Variants in AGMO observed in about 807,000 individuals in gnomAD.
AGMO encodes the protein glyceryl-ether monooxygenase.
A neutral mutation model predicts 60.2 loss-of-function variants in AGMO; 75 were observed. That is an observed-to-expected ratio of 1.25 (90% CI 1.03 to 1.51). The LOEUF (loss-of-function observed/expected upper bound fraction) is 1.51, where lower values mean the gene tolerates loss of function less well. AGMO is among the 40% of genes most tolerant of loss of function. The probability of loss-of-function intolerance (pLI) is 0.00; values close to 1 mark genes in which losing one functional copy is unlikely to be tolerated. For missense variants in AGMO, 763 were observed against 525.5 expected (o/e 1.45, Z -4.42); for synonymous variants, 261 against 177.1 (o/e 1.47, Z -3.76).
At chr7:15,294,636 G>A (rs898831026) in intron 12 of AGMO, among the ~76,000 whole-genome samples, 11 of 151,970 alleles carry the variant, frequency 7.2e-5, no homozygotes, top group East Asian at 1.9e-4. Flanking sequence ...AATTTGAGGC[G>A]ATGGGAAGGC....
chr7:15,190,505 A>G, the AGMO span, among the ~76,000 whole-genome samples: 2 of 152,078 alleles, frequency 1.3e-5, no homozygotes, highest in Non-Finnish European at 2.9e-5. Context: ...AATATACAGC[A>G]GAGAAAGGAC....
In AGMO at chr7:15,335,695, A is replaced by C. The variant is rs919296413; in HGVS notation, c.1263+29819T>G. Reference sequence around the variant, plus strand: ...TTGAAATGTTCTCTGCATACCAGTTACTGTTAAGATTTATTATAGCATGTG... The same window carrying C: ...TTGAAATGTTCTCTGCATACCAGTTCCTGTTAAGATTTATTATAGCATGTG... On this transcript the variant is annotated intron_variant, in intron 12 of 12. Coordinates refer to ENST00000342526, the MANE Select transcript of AGMO (RefSeq NM_001004320.2). 2.6e-5 allele frequency among the ~76,000 whole-genome samples: 4 copies of C among 152,160 alleles called. 1 individual carries two copies. The highest frequency in any genetic ancestry group is 4.1e-4 in the South Asian group (2 of 4,834).
chr7:15,383,797 T>C (rs1783795611), intron 10 of AGMO, among the ~76,000 whole-genome samples: 1 of 152,234 alleles, frequency 6.6e-6, no homozygotes, highest in Non-Finnish European at 1.5e-5. Flanking sequence ...TTTAGGTTTT[T>C]TTCCCGGATT....
At chr7:15,348,772 G>C (rs748574686) in intron 12 of AGMO, among the ~76,000 whole-genome samples, 10 of 151,960 alleles carry the variant, frequency 6.6e-5, no homozygotes, top group Non-Finnish European at 1.2e-4. Flanking sequence ...GTTGAATTAA[G>C]TCCACTATTT....
chr7:15,229,736 T>A (rs909985838), intron 12 of AGMO, among the ~76,000 whole-genome samples: 9 of 147,072 alleles, frequency 6.1e-5, no homozygotes, highest in East Asian at 1.9e-4. Context: ...AAATTATATA[T>A]TATAATATAT....
chr7:15,228,521 AC>A (rs2128498810), intron 12 of AGMO, among the ~76,000 whole-genome samples: 1 of 152,264 alleles, frequency 6.6e-6, no homozygotes, highest in East Asian at 1.9e-4. Context: ...CAGCCAGAGT[AC>A]ACAAGGAGAA....
chr7:15,487,656 C>T (rs560989218), intron 3 of AGMO, among the ~76,000 whole-genome samples: 33 of 151,972 alleles, frequency 2.2e-4, no homozygotes, highest in Non-Finnish European at 4.0e-4. Flanking sequence ...TAACAATAAA[C>T]GTCCTTATAT....
the AGMO span, among the ~76,000 whole-genome samples, chr7:15,149,557 A>G: frequency 6.6e-6 from 1 of 152,200 alleles, no homozygotes; most frequent in South Asian, 2.1e-4. Context: ...CGTACCGTTT[A>G]TTGACTAGGG....
intron 12 of AGMO, among the ~76,000 whole-genome samples, chr7:15,246,685 A>T (rs1782752792): frequency 6.6e-6 from 1 of 152,212 alleles, no homozygotes; most frequent in African/African-American, 2.4e-5. Context: ...ATATACATGG[A>T]TGCATGTCAA....
chr7:15,293,113 C>T (rs942797937), intron 12 of AGMO, among the ~76,000 whole-genome samples: 1 of 152,020 alleles, frequency 6.6e-6, no homozygotes, highest in Non-Finnish European at 1.5e-5. Context: ...AACAAACAAT[C>T]ACATATTCAT....
intron 12 of AGMO, among the ~76,000 whole-genome samples, chr7:15,256,487 C>T (rs1423887761): frequency 6.6e-6 from 1 of 152,072 alleles, no homozygotes; most frequent in Non-Finnish European, 1.5e-5. Flanking sequence ...GGACTACAGG[C>T]GCCCACCACG....
At chr7:15,296,945 C>G (rs1341053907) in intron 12 of AGMO, among the ~76,000 whole-genome samples, 2 of 152,164 alleles carry the variant, frequency 1.3e-5, no homozygotes, top group Non-Finnish European at 2.9e-5. Context: ...TAGAACAAAT[C>G]TCTTTTCCGT....
chr7:15,457,258 G>C (rs10272588), intron 3 of AGMO, among the ~76,000 whole-genome samples: 2,144 of 152,162 alleles, frequency 0.014, 49 homozygotes, highest in African/African-American at 0.05. Flanking sequence ...TCAGTGTTCA[G>C]ATAACTTTGA....
In AGMO at chr7:15,202,458, C is replaced by CAAAAAAAAAAAAA. The variant is rs71004370; in HGVS notation, c.1264-1112_1264-1100dup. Among the ~76,000 whole-genome samples, 72 of 45,362 alleles carry CAAAAAAAAAAAAA rather than the reference C, an allele frequency of 1.6e-3. 4 individuals carry two copies. Among genetic ancestry groups the CAAAAAAAAAAAAA allele is most frequent in the South Asian group, 2.9e-3 (3 of 1,050 alleles). 29.8% of individuals were successfully genotyped at this position (45,362 alleles called of 152,430 possible). On this transcript the variant is annotated intron_variant, in intron 12 of 12. Coordinates refer to ENST00000342526, the MANE Select transcript of AGMO (RefSeq NM_001004320.2). ...CACCAACAACCAAAATACAAATGAG[C>CAAAAAAAAAAAAA]AAAAAAAAAAAAAAAAAAAAAAAAA...
At chr7:15,482,039 A>T (rs528696520) in intron 3 of AGMO, among the ~76,000 whole-genome samples, 1 of 152,178 alleles carries the variant, frequency 6.6e-6, no homozygotes, top group Non-Finnish European at 1.5e-5. Context: ...TCTGAGGGTC[A>T]TTTGTACTTT....
chr7:15,401,138 AC>A (rs2128489675), intron 5 of AGMO, among the ~76,000 whole-genome samples: 1 of 152,290 alleles, frequency 6.6e-6, no homozygotes, highest in South Asian at 2.1e-4. Context: ...TCACTACCTT[AC>A]ATTACCTAAA....
chr7:15,318,711 A>G (rs1445424260), intron 12 of AGMO, among the ~76,000 whole-genome samples: 1 of 152,222 alleles, frequency 6.6e-6, no homozygotes, highest in Non-Finnish European at 1.5e-5. Flanking sequence ...TAATTTAATT[A>G]AAATATTTTT....
intron 12 of AGMO, among the ~76,000 whole-genome samples, chr7:15,310,079 G>A (rs1294274990): frequency 1.3e-5 from 2 of 152,138 alleles, no homozygotes; most frequent in Non-Finnish European, 2.9e-5. Flanking sequence ...CACATGCTTA[G>A]TGCCTGTTCT....
intron 12 of AGMO, among the ~76,000 whole-genome samples, chr7:15,324,501 C>CT (rs1781277158): frequency 6.6e-6 from 1 of 152,064 alleles, no homozygotes; most frequent in African/African-American, 2.4e-5. Context: ...TTCTTGATTT[C>CT]TTTTTTTCTC....
Sources: allele counts gnomAD v4.1 joint callset (sites outside exome capture counted in the v4.1 genomes callset), GRCh38; gene constraint gnomAD v4.1.1; transcripts MANE v1.5; gene names NCBI Gene and HGNC (gene_info 2026-07-23, HGNC 2026-07-21).